The following LVRN variants were observed in gnomAD, a reference collection of about 807,000 sequenced individuals.
LVRN encodes aminopeptidase Q.
LVRN carries 99 observed loss-of-function variants against 111.4 expected under a neutral mutation model. The observed-to-expected ratio is 0.89, with a 90% CI of 0.76 to 1.05. The LOEUF (loss-of-function observed/expected upper bound fraction) is 1.05, where lower values mean the gene tolerates loss of function less well. Among genes scored for constraint, LVRN ranks in the 50% least tolerant of loss-of-function variants. LVRN has a pLI of 0.00. For synonymous variants in LVRN, 488 were observed against 449.5 expected (o/e 1.09, Z -1.08); for missense variants, 1,414 against 1,206.8 (o/e 1.17, Z -2.54).
intron 4 of LVRN, among the ~76,000 whole-genome samples, chr5:115,990,930 T>C (rs1747972272): frequency 6.6e-6 from 1 of 152,198 alleles, no homozygotes; most frequent in African/African-American, 2.4e-5. Flanking sequence ...AGGAAGATTG[T>C]GCAAAAAATA....
At chr5:115,986,385 T>C (rs997365272) in intron 3 of LVRN, among the ~76,000 whole-genome samples, 1 of 152,226 alleles carries the variant, frequency 6.6e-6, no homozygotes, top group Non-Finnish European at 1.5e-5. Flanking sequence ...CTTGCTGTGG[T>C]CAGTGCTGCT....
In LVRN at chr5:115,979,239, G is replaced by T. The variant is rs190908584; in HGVS notation, c.696-4048G>T. 3.5e-3 allele frequency among the ~76,000 whole-genome samples: 536 copies of T among 152,226 alleles called. 2 individuals are homozygous for T. Among genetic ancestry groups the T allele is most frequent in the Non-Finnish European group, 6.6e-3 (449 of 67,998 alleles). On this transcript the variant is annotated intron_variant, in intron 1 of 19. Transcript: ENST00000357872. Reference sequence around the variant, plus strand: ...AAGTCAGCCATTCTCATGCCTTTTAGATCCCCACCTGGTAGGAGTTAGACC... The same window carrying T: ...AAGTCAGCCATTCTCATGCCTTTTATATCCCCACCTGGTAGGAGTTAGACC...
At position 116,015,210 on chromosome 5, in the gene LVRN, A is replaced by G. The variant is rs760474845; in HGVS notation, c.2451-42A>G. On this transcript the variant is annotated intron_variant, in intron 16 of 19. Transcript: ENST00000357872. Reference sequence around the variant, plus strand: ...CTAAAATATGATAACCTGGGTAAACATAACTACTATGAAAAATATCATTTT... The same window carrying G: ...CTAAAATATGATAACCTGGGTAAACGTAACTACTATGAAAAATATCATTTT... 67 of 1,457,690 alleles carry G rather than the reference A, an allele frequency of 4.6e-5. No homozygotes were observed. The South Asian group carries it at 9.2e-4, about 20-fold the overall frequency. The allele number at this position is 1,457,690 out of a possible 1,614,324, so 90.3% of individuals were successfully genotyped here.
At chr5:116,010,092 A>T (rs28397884) in intron 13 of LVRN, among the ~76,000 whole-genome samples, 1,533 of 152,318 alleles carry the variant, frequency 0.01, 28 homozygotes, top group African/African-American at 0.035. Context: ...CACCACCCTG[A>T]TCAGTTAGCA....
intron 2 of LVRN, among the ~76,000 whole-genome samples, chr5:115,983,897 C>T (rs1747779465): frequency 6.6e-6 from 1 of 152,164 alleles, no homozygotes; most frequent in South Asian, 2.1e-4. Flanking sequence ...TGGCAGTGAT[C>T]AGTGACATTT....
Position 116,019,360 on chromosome 5 carries a change from C to T in LVRN, c.2757-3031C>T, listed in dbSNP as rs536965223. Among the ~76,000 whole-genome samples, 4 of 152,214 alleles carry T rather than the reference C, an allele frequency of 2.6e-5. No individual in the cohort carries two copies. The South Asian group carries it at 6.2e-4, about 24-fold the overall frequency. Reference sequence around the variant, plus strand: ...ACATATTGTCCATTGTTGACTGAAACATTGTTATGTGGCTCATAGCTGTAC... The same window carrying T: ...ACATATTGTCCATTGTTGACTGAAATATTGTTATGTGGCTCATAGCTGTAC... On this transcript the variant is annotated intron_variant, in intron 18 of 19. Transcript: ENST00000357872.
Position 116,000,440 on chromosome 5 carries a change from C to G in LVRN, c.1523C>G (p.Ser508Cys), listed in dbSNP as rs763219685. Residue 508 changes from serine (S) to cysteine (C), a missense_variant, in exon 8 of 20, where the codon TCT becomes TGT. By Grantham distance (112) the Ser-to-Cys change is moderately radical. Coordinates refer to ENST00000357872, the MANE Select transcript of LVRN (RefSeq NM_173800.5). The part of the protein sequence containing the change: ...FDIFTYSKGA[S>C]MARMLSCFLN... ...CAGCTTCTTTTGTCCTAGGGAGCGT[C>G]TATGGCCCGGATGCTTTCTTGTTTC... The G allele has an allele frequency of 4.3e-6, 7 of 1,614,036 alleles. No homozygotes were observed. Among genetic ancestry groups the G allele is most frequent in the African/African-American group, 1.3e-5 (1 of 74,914 alleles).
chr5:115,994,939 T>C (rs1375448563), intron 6 of LVRN, among the ~76,000 whole-genome samples: 1 of 152,230 alleles, frequency 6.6e-6, no homozygotes, highest in Non-Finnish European at 1.5e-5. Context: ...TTCTGTCTCC[T>C]GTAACCTCTC....
chr5:115,972,246 A>C (rs933671322), intron 1 of LVRN, among the ~76,000 whole-genome samples: 2 of 152,058 alleles, frequency 1.3e-5, no homozygotes, highest in African/African-American at 4.8e-5. Flanking sequence ...GACAAGCCAC[A>C]ACTGAAAAAT....
chr5:115,997,098 GT>G (rs1748129449), intron 6 of LVRN, among the ~76,000 whole-genome samples: 1 of 152,130 alleles, frequency 6.6e-6, no homozygotes, highest in African/African-American at 2.4e-5. Flanking sequence ...TATTGAGCAT[GT>G]CCTATTTGCT....
rs1321018758 is a variant in LVRN, at chr5:116,000,407, A to C, written c.1516-26A>C. Reference sequence around the variant, plus strand: ...TATGTGGATATTGAATTTTGTTCAAATAATGGACAGCTTCTTTTGTCCTAG... The same window carrying C: ...TATGTGGATATTGAATTTTGTTCAACTAATGGACAGCTTCTTTTGTCCTAG... On this transcript the variant is annotated intron_variant, in intron 7 of 19. Transcript: ENST00000357872. The C allele has an allele frequency of 1.9e-6, 3 of 1,612,042 alleles. No homozygotes were observed. The African/African-American group carries it at 4.0e-5, about 22-fold the overall frequency.
intron 6 of LVRN, among the ~76,000 whole-genome samples, chr5:115,997,566 C>T (rs11241346): frequency 0.45 from 68,240 of 151,272 alleles, 15,662 homozygotes; most frequent in South Asian, 0.53. Context: ...CAGGAGGCTG[C>T]AGTGAGAGGA....
chr5:115,978,974 G>C (rs1753506723), intron 1 of LVRN, among the ~76,000 whole-genome samples: 1 of 151,908 alleles, frequency 6.6e-6, no homozygotes, highest in Non-Finnish European at 1.5e-5. Flanking sequence ...CAATTTCCTT[G>C]ACTCAGCAAC....
chr5:116,026,135 A>G lies in LVRN; in HGVS notation c.*17A>G. On this transcript the variant is annotated 3_prime_UTR_variant, in exon 20 of 20. Transcript: ENST00000357872. ...AACACATAGCTTGTGGCTATCTTTCAGCACTCCTCTTGCATATTATAATGT... is the reference window on the plus strand; with the variant it reads ...AACACATAGCTTGTGGCTATCTTTCGGCACTCCTCTTGCATATTATAATGT... The G allele has an allele frequency of 6.2e-7, 1 of 1,613,442 alleles. No homozygotes were observed. Among genetic ancestry groups the G allele is most frequent in the Non-Finnish European group, 8.5e-7 (1 of 1,179,642 alleles).
chr5:115,988,554 T>A (rs1056591600), intron 4 of LVRN, among the ~76,000 whole-genome samples: 4 of 152,230 alleles, frequency 2.6e-5, no homozygotes, highest in African/African-American at 9.6e-5. Flanking sequence ...TTTCTCTAAA[T>A]TGAAAGTATC....
intron 18 of LVRN, 65 bp downstream of exon 18, chr5:116,015,830 T>C (rs1748593799): frequency 6.3e-7 from 1 of 1,575,802 alleles, no homozygotes; most frequent in Non-Finnish European, 8.6e-7. Context: ...AGCTCAGCTT[T>C]AGTCTAGCTT....
intron 12 of LVRN, among the ~76,000 whole-genome samples, chr5:116,003,581 T>TG (rs1475682534): frequency 1.2e-5 from 1 of 84,746 alleles, no homozygotes; most frequent in Non-Finnish European, 2.2e-5. Context: ...TTTTTTTGTT[T>TG]TTTTTGTTTT....
Position 115,987,513 on chromosome 5 carries a change from C to T in LVRN, c.979-300C>T, listed in dbSNP as rs536740537. On this transcript the variant is annotated intron_variant, in intron 3 of 19. Coordinates refer to ENST00000357872, the MANE Select transcript of LVRN (RefSeq NM_173800.5). ...GTGCACAAAATGCCTATAGAATCTACACTTACTGTAGGGGTAGATGCTGGT... is the reference window on the plus strand; with the variant it reads ...GTGCACAAAATGCCTATAGAATCTATACTTACTGTAGGGGTAGATGCTGGT... Among the ~76,000 whole-genome samples the T allele has an allele frequency of 2.0e-5, 3 of 152,258 alleles. No homozygotes were observed. The East Asian group carries it at 5.8e-4, about 29-fold the overall frequency.
At chr5:115,999,737 T>C (rs1360911717) in intron 6 of LVRN, 25 bp from the exon 7 acceptor site, 2 of 1,611,090 alleles carry the variant, frequency 1.2e-6, no homozygotes, top group East Asian at 2.2e-5. Context: ...CAGGAGTTAA[T>C]GTGCCTCCAT....
Sources: gnomAD v4.1 joint callset for allele counts (sites outside exome capture counted in the v4.1 genomes callset) on GRCh38, gnomAD v4.1.1 for gene constraint, MANE v1.5 for transcripts, NCBI Gene and HGNC (gene_info 2026-07-23, HGNC 2026-07-21) for gene names.